Variants in CDH13 observed in about 807,000 individuals in gnomAD.
The protein encoded by CDH13 is cadherin 13, also known as cadherin-13.
CDH13 carries 24 observed loss-of-function variants against 63.8 expected under a neutral mutation model. The ratio of observed to expected loss-of-function variants is 0.38; its 90% CI spans 0.27 to 0.53. The LOEUF is 0.53. Ranked by LOEUF, CDH13 falls within the 20% of genes least tolerant of loss-of-function variation. The pLI is 0.85. For missense variants in CDH13, 1,049 were observed against 903.1 expected (o/e 1.16, Z -2.07); for synonymous variants, 503 against 355.3 (o/e 1.42, Z -4.67).
intron 3 of CDH13, among the ~76,000 whole-genome samples, chr16:83,041,198 CA>C (rs903003658): frequency 1.3e-5 from 2 of 151,776 alleles, no homozygotes; most frequent in African/African-American, 4.8e-5. Flanking sequence ...CAATTAAATG[CA>C]AAAAAATATT....
chr16:83,529,864 G>T (rs140805549), intron 7 of CDH13, among the ~76,000 whole-genome samples: 200 of 152,200 alleles, frequency 1.3e-3, no homozygotes, highest in African/African-American at 4.5e-3. Flanking sequence ...TTACATTTCT[G>T]TTATTTTCAT....
At chr16:83,371,627 G>A (rs1277899946) in intron 6 of CDH13, among the ~76,000 whole-genome samples, 2 of 152,184 alleles carry the variant, frequency 1.3e-5, no homozygotes, top group Non-Finnish European at 2.9e-5. Flanking sequence ...TTGCTTAGAA[G>A]TAAGTTAAAT....
intron 3 of CDH13, among the ~76,000 whole-genome samples, chr16:83,059,202 C>T (rs1249974301): frequency 6.6e-6 from 1 of 152,236 alleles, no homozygotes; most frequent in Non-Finnish European, 1.5e-5. Context: ...CCTCTGGGAA[C>T]CCTATGAAAT....
At chr16:83,393,175 G>T (rs1468842245) in intron 6 of CDH13, among the ~76,000 whole-genome samples, 1 of 152,182 alleles carries the variant, frequency 6.6e-6, no homozygotes, top group Non-Finnish European at 1.5e-5. Flanking sequence ...ATGTCACCCA[G>T]AGCTGGTGCT....
chr16:83,445,341 T>C (rs1016175018), intron 6 of CDH13, among the ~76,000 whole-genome samples: 1 of 109,360 alleles, frequency 9.1e-6, no homozygotes, highest in African/African-American at 2.8e-5. Context: ...GAATCATTCT[T>C]CTACAAAAGA....
intron 6 of CDH13, among the ~76,000 whole-genome samples, chr16:83,434,636 A>G (rs2072230469): frequency 6.6e-6 from 1 of 151,922 alleles, no homozygotes; most frequent in Non-Finnish European, 1.5e-5. Flanking sequence ...CCAATCAGTA[A>G]TCATGTACAT....
intron 6 of CDH13, among the ~76,000 whole-genome samples, chr16:83,384,606 G>C (rs1362059523): frequency 6.6e-6 from 1 of 152,234 alleles, no homozygotes; most frequent in Non-Finnish European, 1.5e-5. Flanking sequence ...TGGAGGAAGA[G>C]AGCCTGGTCA....
At chr16:82,657,534 G>C (rs145860867) in intron 1 of CDH13, among the ~76,000 whole-genome samples, 26 of 152,130 alleles carry the variant, frequency 1.7e-4, no homozygotes, top group Non-Finnish European at 2.8e-4. Flanking sequence ...ATTATTTTTG[G>C]AATTTTTCTA....
At chr16:83,247,541 G>A (rs74611601) in intron 5 of CDH13, among the ~76,000 whole-genome samples, 10,049 of 151,784 alleles carry the variant, frequency 0.066, 1,093 homozygotes, top group African/African-American at 0.23. Context: ...ATGTGATTCA[G>A]AATTAGATAT....
intron 4 of CDH13, among the ~76,000 whole-genome samples, chr16:83,130,391 A>G (rs921215529): frequency 6.6e-6 from 1 of 152,234 alleles, no homozygotes; most frequent in Non-Finnish European, 1.5e-5. Flanking sequence ...CTCAGGAAAT[A>G]CTAAGCCCAA....
intron 3 of CDH13, among the ~76,000 whole-genome samples, chr16:83,097,808 C>G (rs1243252077): frequency 3.3e-5 from 5 of 152,160 alleles, no homozygotes; most frequent in Admixed American, 3.3e-4. Flanking sequence ...TTTCTCAGCT[C>G]CAATTTTAGA....
Position 82,979,962 on chromosome 16 carries a change from C to T in CDH13, c.158-52048C>T, listed in dbSNP as rs530704113. 3.9e-5 allele frequency among the ~76,000 whole-genome samples: 6 copies of T among 152,226 alleles called. No individual in the cohort carries two copies. In the East Asian group the frequency reaches 1.2e-3, roughly 29 times the overall value. ...TGTTTAAGTAAGATTTGCAGCAGCC[C>T]ATAGATGACTCACTGAAATTTAATC... On this transcript the variant is annotated intron_variant, in intron 2 of 13. Transcript: ENST00000567109.
At chr16:83,006,192 C>A (rs1193294537) in intron 2 of CDH13, among the ~76,000 whole-genome samples, 1 of 152,122 alleles carries the variant, frequency 6.6e-6, no homozygotes, top group Non-Finnish European at 1.5e-5. Flanking sequence ...TCAATCACAT[C>A]ACTTTAATAC....
chr16:82,712,033 C>A (rs1247967009), intron 1 of CDH13, among the ~76,000 whole-genome samples: 1 of 152,200 alleles, frequency 6.6e-6, no homozygotes, highest in African/African-American at 2.4e-5. Flanking sequence ...CGCCTTCCTG[C>A]ATTTTATACT....
chr16:82,667,788 T>C (rs1253087926), intron 1 of CDH13, among the ~76,000 whole-genome samples: 2 of 152,148 alleles, frequency 1.3e-5, no homozygotes, highest in Non-Finnish European at 2.9e-5. Flanking sequence ...GCTTTCTATG[T>C]CCTGAGCTTT....
chr16:83,646,686 C>A (rs555688680), intron 8 of CDH13, among the ~76,000 whole-genome samples: 11 of 70,396 alleles, frequency 1.6e-4, no homozygotes, highest in African/African-American at 5.4e-4. Flanking sequence ...GAGCAAGACT[C>A]CGTCTCAAAA....
At chr16:83,191,108 T>G (rs2038683411) in intron 4 of CDH13, among the ~76,000 whole-genome samples, 1 of 151,200 alleles carries the variant, frequency 6.6e-6, no homozygotes, top group Non-Finnish European at 1.5e-5. Context: ...TTTCTTAACC[T>G]AAACTTTGGT....
chr16:83,657,824 C>A (rs1211419289), intron 8 of CDH13, among the ~76,000 whole-genome samples: 3 of 152,144 alleles, frequency 2.0e-5, no homozygotes, highest in Admixed American at 2.0e-4. Flanking sequence ...CACATGTCCT[C>A]ACCAGCAAGG....
In CDH13 at chr16:83,039,937, TC is replaced by T. The variant is rs1917193004; in HGVS notation, c.366+7724del. ...TTCTTTGGGAACAGCTCTCTGAATA[TC>T]CCCCAGCTGGCTAGGTGTTCTTTCT... On this transcript the variant is annotated intron_variant, in intron 3 of 13. Transcript: ENST00000567109. Among the ~76,000 whole-genome samples, 6 of 151,858 alleles carry T rather than the reference TC, an allele frequency of 4.0e-5. No individual in the cohort carries two copies. In the South Asian group the frequency reaches 1.0e-3, roughly 26 times the overall value.
Sources: allele counts gnomAD v4.1 joint callset (sites outside exome capture counted in the v4.1 genomes callset), GRCh38; gene constraint gnomAD v4.1.1; transcripts MANE v1.5; gene names NCBI Gene and HGNC (gene_info 2026-07-23, HGNC 2026-07-21).